The following SLC35B3 variants were observed in gnomAD, a reference collection of about 807,000 sequenced individuals.
SLC35B3 encodes solute carrier family 35 member B3, also known as adenosine 3'-phospho 5'-phosphosulfate transporter 2.
A neutral mutation model predicts 44.1 loss-of-function variants in SLC35B3; 35 were observed. The ratio of observed to expected loss-of-function variants is 0.79; its 90% CI spans 0.61 to 1.05. The LOEUF is 1.05. Among genes scored for constraint, SLC35B3 ranks in the 50% least tolerant of loss-of-function variants. The pLI is 0.00. For missense variants in SLC35B3, 414 were observed against 476.4 expected (o/e 0.87, Z 1.22); for synonymous variants, 146 against 167.3 (o/e 0.87, Z 0.98).
chr6:8,430,724 A>C (rs984586116), intron 2 of SLC35B3, among the ~76,000 whole-genome samples: 1 of 151,788 alleles, frequency 6.6e-6, no homozygotes, highest in African/African-American at 2.4e-5. Context: ...TACCAAATAA[A>C]ATAAAATAAA....
intron 7 of SLC35B3, 114 bp from the exon 7 acceptor site, chr6:8,417,608 C>CATAA: frequency 1.8e-6 from 1 of 567,212 alleles, no homozygotes; most frequent in South Asian, 2.8e-5. Context: ...TTAAAAGAAA[C>CATAA]ATTATAATTT....
At chr6:8,417,313 TG>T in intron 8 of SLC35B3, 88 bp downstream of exon 7, 1 of 790,460 alleles carries the variant, frequency 1.3e-6, no homozygotes, top group South Asian at 1.6e-5. Context: ...ATTATATCTA[TG>T]ATAGCCTCTT....
intron 9 of SLC35B3, 109 bp downstream of exon 8, chr6:8,416,775 A>G: frequency 2.0e-6 from 1 of 493,426 alleles, no homozygotes; most frequent in Non-Finnish European, 3.6e-6. Context: ...GTGAAATATG[A>G]TAATTTTCTT....
At chr6:8,430,367 C>T (rs920643258) in intron 2 of SLC35B3, among the ~76,000 whole-genome samples, 1 of 152,108 alleles carries the variant, frequency 6.6e-6, no homozygotes, top group Non-Finnish European at 1.5e-5. Flanking sequence ...ATTAGTACAT[C>T]ATTAAACTGA....
intron 4 of SLC35B3, among the ~76,000 whole-genome samples, chr6:8,425,395 A>G (rs1013820863): frequency 6.6e-6 from 1 of 152,154 alleles, no homozygotes; most frequent in African/African-American, 2.4e-5. Flanking sequence ...ACCTATGGCT[A>G]TTCCCAGTAC....
Position 8,420,933 on chromosome 6 carries a change from T to C in SLC35B3, c.575-105A>G, listed in dbSNP as rs1419585238. 1.9e-5 allele frequency: 15 copies of C among 808,734 alleles called. No homozygotes were observed. Among genetic ancestry groups the C allele is most frequent in the Non-Finnish European group, 2.7e-5 (14 of 522,946 alleles). The allele number at this position is 808,734 out of a possible 1,614,324, so 50.1% of individuals were successfully genotyped here. A position where few individuals can be genotyped will look rare whatever the true frequency, so the allele number is the denominator to read the frequency against. On this transcript the variant is annotated intron_variant, in intron 5 of 10. Transcript: ENST00000644923. The surrounding 1 kb of genome is among the most constrained non-coding windows in gnomAD (Gnocchi z 4.4). ...CATGGATTTGTTTTTTTATATCCAA[T>C]GCCAAAAACGTGAACACTTAGGTCA...
Position 8,420,916 on chromosome 6 carries a change from TG to T in SLC35B3, c.575-89del. ...CTATGTGTTAAGTAGAACATGGATT[TG>T]TTTTTTTATATCCAATGCCAAAAAC... On this transcript the variant is annotated intron_variant, in intron 5 of 10. Coordinates refer to ENST00000644923, the MANE Select transcript of SLC35B3 (RefSeq NM_001370476.2). The surrounding 1 kb of genome is among the most constrained non-coding windows in gnomAD (Gnocchi z 4.4). 9.9e-7 allele frequency: 1 copy of T among 1,010,718 alleles called. No homozygotes were observed. Among genetic ancestry groups the T allele is most frequent in the South Asian group, 1.8e-5 (1 of 56,800 alleles). 62.6% of individuals were successfully genotyped at this position (1,010,718 alleles called of 1,614,324 possible). A position where few individuals can be genotyped will look rare whatever the true frequency, so the allele number is the denominator to read the frequency against.
At chr6:8,413,978 A>C (rs748237309) in intron 10 of SLC35B3, among the ~76,000 whole-genome samples, 8 of 152,160 alleles carry the variant, frequency 5.3e-5, no homozygotes, top group Non-Finnish European at 1.0e-4. Context: ...GTATATTCAA[A>C]GTACAGTCCC....
intron 4 of SLC35B3, among the ~76,000 whole-genome samples, chr6:8,426,536 C>T (rs1763427272): frequency 6.6e-6 from 1 of 152,148 alleles, no homozygotes; most frequent in Non-Finnish European, 1.5e-5. Context: ...TTGCATCTTC[C>T]TCATTTTCTC....
intron 2 of SLC35B3, among the ~76,000 whole-genome samples, chr6:8,431,231 A>C (rs746519020): frequency 9.2e-5 from 14 of 152,238 alleles, no homozygotes; most frequent in Non-Finnish European, 2.1e-4. Flanking sequence ...ACCTATGTAA[A>C]AGAAAAAGTT....
At chr6:8,423,942 A>T (rs1763174783) in intron 4 of SLC35B3, among the ~76,000 whole-genome samples, 1 of 152,214 alleles carries the variant, frequency 6.6e-6, no homozygotes, top group Admixed American at 6.5e-5. Context: ...GTAAAATGAT[A>T]CAAGTCAAGG....
rs1200818554 is a variant in SLC35B3 at position 8,434,814 on chromosome 6, G to A, written c.-43-384C>T. The stretch of plus-strand genomic sequence containing the variant: ...ATATTCCTTAAATAATAAAAAGACG[G>A]GAGAGATAATTCAGTTGCAAAGACT... On this transcript the variant is annotated intron_variant, in intron 1 of 10. Coordinates refer to ENST00000644923, the MANE Select transcript of SLC35B3 (RefSeq NM_001370476.2). The surrounding 1 kb of genome is among the most constrained non-coding windows in gnomAD (Gnocchi z 6.3). Among the ~76,000 whole-genome samples the A allele has an allele frequency of 6.6e-6, 1 of 152,108 alleles. No homozygotes were observed. Among genetic ancestry groups the A allele is most frequent in the African/African-American group, 2.4e-5 (1 of 41,420 alleles).
intron 4 of SLC35B3, among the ~76,000 whole-genome samples, chr6:8,426,114 C>A (rs1025361243): frequency 1.3e-5 from 2 of 152,102 alleles, no homozygotes; most frequent in Non-Finnish European, 2.9e-5. Flanking sequence ...AATATAACTT[C>A]ACATTCTAAA....
Position 8,434,243 on chromosome 6 carries a change from G to T in SLC35B3, c.3+142C>A. The stretch of plus-strand genomic sequence containing the variant: ...CACAATTATTTCAGTTTATTTTTGA[G>T]TTTTCCGACCTGAAGGACAAAAGTC... On this transcript the variant is annotated intron_variant, in intron 2 of 10. Transcript: ENST00000644923. The surrounding 1 kb of genome is among the most constrained non-coding windows in gnomAD (Gnocchi z 6.3). 1 of 684,970 alleles carries T rather than the reference G, an allele frequency of 1.5e-6. No individual in the cohort carries two copies. The highest frequency in any genetic ancestry group is 2.5e-6 in the Non-Finnish European group (1 of 395,624). The allele number at this position is 684,970 out of a possible 1,614,324, so 42.4% of individuals were successfully genotyped here.
intron 2 of SLC35B3, among the ~76,000 whole-genome samples, chr6:8,431,959 T>C (rs1283522996): frequency 6.9e-6 from 1 of 145,266 alleles, no homozygotes; most frequent in Non-Finnish European, 1.5e-5. Flanking sequence ...CTGTTCATGA[T>C]GTCCTTTCAG....
rs1293838065 is a variant in SLC35B3 at position 8,435,496 on chromosome 6, C to T, written c.-197G>A. 1 of 858,480 alleles carries T rather than the reference C, an allele frequency of 1.2e-6. No individual in the cohort carries two copies. Among genetic ancestry groups the T allele is most frequent in the Non-Finnish European group, 1.6e-6 (1 of 619,572 alleles). The allele number at this position is 858,480 out of a possible 1,614,324, so 53.2% of individuals were successfully genotyped here. A position where few individuals can be genotyped will look rare whatever the true frequency, so the allele number is the denominator to read the frequency against. ...CACTTTCCACCGCGGCGGTCGCCTC[C>T]CCGGAAAGCACTCTCAACTCCGGCG... On this transcript the variant is annotated 5_prime_UTR_variant, in exon 1 of 11. Coordinates refer to ENST00000644923, the MANE Select transcript of SLC35B3 (RefSeq NM_001370476.2). The surrounding 1 kb of genome is among the most constrained non-coding windows in gnomAD (Gnocchi z 5.5).
At chr6:8,422,986 T>G (rs1763048864) in intron 4 of SLC35B3, among the ~76,000 whole-genome samples, 1 of 151,988 alleles carries the variant, frequency 6.6e-6, no homozygotes, top group Non-Finnish European at 1.5e-5. Context: ...AAAAAGAGCT[T>G]CTTTTGTTGT....
rs1231638669 is a variant in SLC35B3, at chr6:8,424,313, C to T, written c.420-1689G>A. On this transcript the variant is annotated intron_variant, in intron 4 of 10. Transcript: ENST00000644923. Reference sequence around the variant, plus strand: ...TGTTGCCCAGGCTGGAGTGCAGTGGCGCCATCTTGGCTCACTGCAACCTCC... The same window carrying T: ...TGTTGCCCAGGCTGGAGTGCAGTGGTGCCATCTTGGCTCACTGCAACCTCC... 6.6e-5 allele frequency among the ~76,000 whole-genome samples: 10 copies of T among 152,156 alleles called. No individual in the cohort carries two copies. The East Asian group carries it at 1.4e-3, about 21-fold the overall frequency.
intron 2 of SLC35B3, among the ~76,000 whole-genome samples, chr6:8,431,107 TCTA>T (rs1430472817): frequency 1.4e-4 from 16 of 111,364 alleles, no homozygotes; most frequent in African/African-American, 7.1e-4. Flanking sequence ...TTTTTGTCAG[TCTA>T]AAAAAAATTA....
Sources: gnomAD v4.1 joint callset for allele counts (sites outside exome capture counted in the v4.1 genomes callset) on GRCh38, gnomAD v4.1.1 for gene constraint, Gnocchi (gnomAD v3.1) non-coding constraint, MANE v1.5 for transcripts, NCBI Gene and HGNC (gene_info 2026-07-23, HGNC 2026-07-21) for gene names.